The following TEX29 variants were observed in gnomAD, a reference collection of about 807,000 sequenced individuals.
TEX29 encodes testis expressed 29.
In TEX29, 26 loss-of-function variants were observed where a neutral mutation model predicts 18.2. The observed-to-expected ratio is 1.43, with a 90% CI of 1.04 to 1.98. The LOEUF (loss-of-function observed/expected upper bound fraction) is 1.98, where lower values mean the gene tolerates loss of function less well. Ranked by LOEUF, TEX29 falls within the 30% of genes most tolerant of loss-of-function variation. The pLI is 0.00. For synonymous variants in TEX29, 83 were observed against 78.5 expected (o/e 1.06, Z -0.31); for missense variants, 177 against 194.2 (o/e 0.91, Z 0.53).
chr13:111,327,561 G>A (rs966791417), intron 2 of TEX29, among the ~76,000 whole-genome samples: 2 of 152,142 alleles, frequency 1.3e-5, no homozygotes. Context: ...TCCCTCGGTG[G>A]CCCATGGCCG....
intron 2 of TEX29, 70 bp downstream of exon 2, chr13:111,321,018 TGTTTGAGC>T: frequency 6.7e-7 from 1 of 1,496,648 alleles, no homozygotes; most frequent in South Asian, 1.2e-5. Context: ...AGGGAGGAGC[TGTTTGAGC>T]CCCTGGCGCG....
intron 2 of TEX29, among the ~76,000 whole-genome samples, chr13:111,321,476 A>G (rs994418276): frequency 1.3e-5 from 2 of 152,214 alleles, no homozygotes; most frequent in Non-Finnish European, 2.9e-5. Flanking sequence ...ACTTATGGTC[A>G]GGAAAAGGAA....
chr13:111,341,807 G>A (rs1185447024), intron 4 of TEX29, among the ~76,000 whole-genome samples: 1 of 152,180 alleles, frequency 6.6e-6, no homozygotes, highest in Non-Finnish European at 1.5e-5. Flanking sequence ...ACTCTTAAGA[G>A]CTCTGCTCAG....
intron 2 of TEX29, among the ~76,000 whole-genome samples, chr13:111,327,948 G>A (rs1455491216): frequency 6.6e-6 from 1 of 152,238 alleles, no homozygotes; most frequent in Non-Finnish European, 1.5e-5. Context: ...TCTCCTAATC[G>A]TTAGAGGCCC....
chr13:111,342,256 G>A (rs2093697713), intron 4 of TEX29, among the ~76,000 whole-genome samples: 1 of 152,186 alleles, frequency 6.6e-6, no homozygotes, highest in African/African-American at 2.4e-5. Context: ...TACCATGAGT[G>A]GTGCTGTATG....
At chr13:111,325,163 G>A (rs143329567) in intron 2 of TEX29, among the ~76,000 whole-genome samples, 13 of 152,330 alleles carry the variant, frequency 8.5e-5, no homozygotes, top group African/African-American at 1.4e-4. Context: ...CCCCAGTCTC[G>A]TTTCAGTAGA....
At chr13:111,325,264 A>G (rs1011386087) in intron 2 of TEX29, among the ~76,000 whole-genome samples, 8 of 152,170 alleles carry the variant, frequency 5.3e-5, no homozygotes. Flanking sequence ...CCCTCTTCCC[A>G]GCCACGCTGT....
chr13:111,338,908 G>A (rs944973731), intron 3 of TEX29, among the ~76,000 whole-genome samples: 13 of 152,234 alleles, frequency 8.5e-5, no homozygotes, highest in African/African-American at 3.1e-4. Context: ...GTTAGGACTT[G>A]AGGGGTCCAA....
chr13:111,333,527 A>G (rs7324101), intron 3 of TEX29, among the ~76,000 whole-genome samples: 9,375 of 152,240 alleles, frequency 0.062, 405 homozygotes, highest in Middle Eastern at 0.15. Context: ...CATTTCTGTT[A>G]TTGTACTCTC....
intron 2 of TEX29, among the ~76,000 whole-genome samples, chr13:111,326,311 T>G (rs2093673076): frequency 2.1e-5 from 1 of 47,420 alleles, no homozygotes; most frequent in Non-Finnish European, 4.4e-5. Flanking sequence ...TGTGAGCCTG[T>G]CTGGTGGGGT....
At position 111,324,095 on chromosome 13, in the gene TEX29, G is replaced by A. The variant is rs368179767; in HGVS notation, c.58+3147G>A. On this transcript the variant is annotated intron_variant, in intron 2 of 5. Transcript: ENST00000283547. ...AGAAAGGGGTGTGCAGTCTGGGCCCGCTGAAGGTCCTGGGGGTGCTGGTGG... is the reference window on the plus strand; with the variant it reads ...AGAAAGGGGTGTGCAGTCTGGGCCCACTGAAGGTCCTGGGGGTGCTGGTGG... 3.3e-5 allele frequency among the ~76,000 whole-genome samples: 5 copies of A among 152,320 alleles called. No individual in the cohort carries two copies. In the East Asian group the frequency reaches 5.8e-4, roughly 18 times the overall value.
intron 5 of TEX29, among the ~76,000 whole-genome samples, chr13:111,343,781 C>T (rs984830836): frequency 3.3e-5 from 5 of 152,190 alleles, no homozygotes; most frequent in Admixed American, 3.3e-4. Flanking sequence ...GATTTCAGAT[C>T]TGGAATGCCT....
chr13:111,319,868 G>A (rs147116616), upstream of TEX29, among the ~76,000 whole-genome samples: 77 of 152,274 alleles, frequency 5.1e-4, no homozygotes, highest in Non-Finnish European at 6.8e-4. Context: ...TGAGTATCCC[G>A]TCCTTCCTGC....
At chr13:111,333,584 G>C (rs1356341175) in intron 3 of TEX29, among the ~76,000 whole-genome samples, 1 of 152,104 alleles carries the variant, frequency 6.6e-6, no homozygotes, top group Non-Finnish European at 1.5e-5. Context: ...TATTTCTATT[G>C]ATATCTTCTA....
intron 4 of TEX29, 24 bp downstream of exon 4, chr13:111,339,956 G>A: frequency 1.9e-6 from 3 of 1,589,322 alleles, no homozygotes; most frequent in Non-Finnish European, 2.6e-6. Context: ...TTCTTTACTG[G>A]GAGGGTGGGG....
chr13:111,318,389 G>T (rs202201031), upstream of TEX29, among the ~76,000 whole-genome samples: 2 of 152,148 alleles, frequency 1.3e-5, no homozygotes, highest in Admixed American at 6.5e-5. Flanking sequence ...TGGTTATCAC[G>T]TGGGAACGGG....
chr13:111,335,514 T>G (rs1324068839), intron 3 of TEX29, among the ~76,000 whole-genome samples: 1 of 152,254 alleles, frequency 6.6e-6, no homozygotes, highest in Non-Finnish European at 1.5e-5. Flanking sequence ...ATCTTGTTTT[T>G]GTTGTGTGAA....
chr13:111,320,966 CA>C lies in TEX29; in HGVS notation c.58+19del, dbSNP rs774461364. Reference sequence around the variant, plus strand: ...ATTCACAGGTATGGAGGGAAGGCGCCAGGGGGGCGGGTGGGGTGGGGGAGCA... The same window carrying C: ...ATTCACAGGTATGGAGGGAAGGCGCCGGGGGGCGGGTGGGGTGGGGGAGCA... On this transcript the variant is annotated intron_variant, in intron 2 of 5. Coordinates refer to ENST00000283547, the MANE Select transcript of TEX29 (RefSeq NM_152324.3). 5.5e-5 allele frequency: 14 copies of C among 252,416 alleles called. No homozygotes were observed. Among genetic ancestry groups the C allele is most frequent in the African/African-American group, 5.1e-4 (5 of 9,754 alleles). 15.6% of individuals were successfully genotyped at this position (252,416 alleles called of 1,614,324 possible). A position where few individuals can be genotyped will look rare whatever the true frequency, so the allele number is the denominator to read the frequency against.
At chr13:111,343,962 T>C in intron 5 of TEX29, 121 bp from the exon 6 acceptor site, 2 of 837,266 alleles carry the variant, frequency 2.4e-6, no homozygotes, top group East Asian at 2.4e-5. Context: ...CAAAACTGGC[T>C]TTTGAATCAA....
Sources: allele counts gnomAD v4.1 joint callset (sites outside exome capture counted in the v4.1 genomes callset), GRCh38; gene constraint gnomAD v4.1.1; transcripts MANE v1.5; gene names NCBI Gene and HGNC (gene_info 2026-07-23, HGNC 2026-07-21).